Variants in KLHDC1 observed in about 807,000 individuals in gnomAD.
The protein encoded by KLHDC1 is kelch domain containing 1, also known as kelch domain-containing protein 1.
A neutral mutation model predicts 68.3 loss-of-function variants in KLHDC1; 53 were observed. The ratio of observed to expected loss-of-function variants is 0.78; its 90% CI spans 0.62 to 0.98. The LOEUF (loss-of-function observed/expected upper bound fraction) is 0.98, where lower values mean the gene tolerates loss of function less well. Ranked by LOEUF, KLHDC1 falls within the 50% of genes least tolerant of loss-of-function variation. The pLI, the probability that KLHDC1 is intolerant of heterozygous loss-of-function variation, is 0.00. For missense variants in KLHDC1, 470 were observed against 492.3 expected, an observed-to-expected ratio of 0.95 and a Z score of 0.43; for synonymous variants, 148 against 159.0, an observed-to-expected ratio of 0.93 and a Z score of 0.52.
intron 4 of KLHDC1, among the ~76,000 whole-genome samples, chr14:49,713,996 G>A (rs1463607527): frequency 5.5e-4 from 81 of 148,316 alleles, no homozygotes; most frequent in East Asian, 1.4e-3. Context: ...ACAGGTGCAC[G>A]CCACCAAACC....
Position 49,724,035 on chromosome 14 carries a change from A to G in KLHDC1, c.483+83A>G, listed in dbSNP as rs1888605554. 6.7e-6 allele frequency: 5 copies of G among 748,086 alleles called. No individual in the cohort carries two copies. In the Admixed American group the frequency reaches 9.9e-5, roughly 15 times the overall value. 46.3% of individuals were successfully genotyped at this position (748,086 alleles called of 1,614,324 possible). ...AGAAATAATGAGTCTAGTCTTTCTCATTTTTGGAGCTACCAATTTGTCGTA... is the reference window on the plus strand; with the variant it reads ...AGAAATAATGAGTCTAGTCTTTCTCGTTTTTGGAGCTACCAATTTGTCGTA... On this transcript the variant is annotated intron_variant, in intron 5 of 12. Transcript: ENST00000359332.
intron 12 of KLHDC1, among the ~76,000 whole-genome samples, chr14:49,746,973 G>A (rs1186590000): frequency 6.3e-5 from 9 of 143,534 alleles, no homozygotes; most frequent in South Asian, 2.2e-4. Context: ...TTTTTGAGAC[G>A]GAGTCTCATT....
chr14:49,748,961 C>T (rs565836437), intron 12 of KLHDC1, among the ~76,000 whole-genome samples: 2 of 151,806 alleles, frequency 1.3e-5, no homozygotes, highest in Non-Finnish European at 2.9e-5. Context: ...CCATCACACC[C>T]GGCTAATTTT....
chr14:49,709,719 C>T lies in KLHDC1; in HGVS notation c.178C>T (p.Leu60Phe), dbSNP rs748028176. 1 of 1,582,716 alleles carries T rather than the reference C, an allele frequency of 6.3e-7. No homozygotes were observed. The highest frequency in any genetic ancestry group is 1.4e-5 in the African/African-American group (1 of 73,000). Residue 60 changes from leucine (L) to phenylalanine (F), a missense_variant, in exon 3 of 13, where the codon CTC becomes TTC. Coordinates refer to ENST00000359332, the MANE Select transcript of KLHDC1 (RefSeq NM_172193.3). The stretch of plus-strand genomic sequence containing the variant: ...TTATTCTTGCTGCAGGAGAATGCAC[C>T]TCATGGAAGGAGAACTCCCAGCCTC... ...DIDSGLWRMH[L>F]MEGELPASMS...
intron 4 of KLHDC1, among the ~76,000 whole-genome samples, chr14:49,712,882 C>T (rs1277943501): frequency 6.6e-6 from 1 of 151,900 alleles, no homozygotes; most frequent in Non-Finnish European, 1.5e-5. Context: ...TCAGGTGATC[C>T]ACCCACCTTG....
At chr14:49,709,046 G>A (rs773476298) in intron 1 of KLHDC1, 113 bp from the exon 2 acceptor site, 41 of 546,788 alleles carry the variant, frequency 7.5e-5, no homozygotes, top group Non-Finnish European at 1.2e-4. Context: ...AGATCCTTGA[G>A]CCTTCTTTTG....
Position 49,716,987 on chromosome 14 carries a change from T to C in KLHDC1, c.404+6606T>C, listed in dbSNP as rs1043332709. Among the ~76,000 whole-genome samples the C allele has an allele frequency of 3.9e-5, 6 of 152,264 alleles. No individual in the cohort carries two copies. The East Asian group carries it at 9.6e-4, about 24-fold the overall frequency. On this transcript the variant is annotated intron_variant, in intron 4 of 12. Coordinates refer to ENST00000359332, the MANE Select transcript of KLHDC1 (RefSeq NM_172193.3). ...TGAATCATAAAATGTTTGTTCTTTT[T>C]GTCTGCCTTATTTCACTTAACATAA...
intron 12 of KLHDC1, among the ~76,000 whole-genome samples, chr14:49,744,653 A>T (rs1369258587): frequency 6.6e-6 from 1 of 152,050 alleles, no homozygotes; most frequent in Admixed American, 6.6e-5. Context: ...TATTACTCAT[A>T]ATTCCTAATA....
intron 1 of KLHDC1, among the ~76,000 whole-genome samples, chr14:49,702,544 A>G (rs1469427072): frequency 6.6e-6 from 1 of 152,010 alleles, no homozygotes; most frequent in Non-Finnish European, 1.5e-5. Flanking sequence ...CCAGAATATA[A>G]ACCACCTTTC....
At chr14:49,708,138 T>G (rs1232492993) in intron 1 of KLHDC1, among the ~76,000 whole-genome samples, 1 of 150,628 alleles carries the variant, frequency 6.6e-6, no homozygotes, top group Non-Finnish European at 1.5e-5. Context: ...TGGCACGATT[T>G]CAGCTCACTG....
At chr14:49,740,706 T>A (rs1199166285) in intron 11 of KLHDC1, among the ~76,000 whole-genome samples, 2 of 152,170 alleles carry the variant, frequency 1.3e-5, no homozygotes, top group Non-Finnish European at 2.9e-5. Context: ...GGTCTATTAG[T>A]TTGATTAGCA....
intron 4 of KLHDC1, among the ~76,000 whole-genome samples, chr14:49,711,238 G>T (rs1276629387): frequency 6.6e-6 from 1 of 152,048 alleles, no homozygotes; most frequent in East Asian, 1.9e-4. Context: ...GTCTCGCTCT[G>T]TCGCCTAGGC....
At chr14:49,726,533 G>T (rs1888675627) in intron 6 of KLHDC1, among the ~76,000 whole-genome samples, 1 of 152,024 alleles carries the variant, frequency 6.6e-6, no homozygotes. Context: ...ATTTAATAAA[G>T]GTCTATTTTT....
intron 8 of KLHDC1, among the ~76,000 whole-genome samples, chr14:49,729,895 A>G (rs1455753165): frequency 6.6e-6 from 1 of 152,212 alleles, no homozygotes; most frequent in African/African-American, 2.4e-5. Flanking sequence ...CATAATATGT[A>G]TTTAACAATA....
At position 49,735,350 on chromosome 14, in the gene KLHDC1, G is replaced by A. The variant is rs1028621269; in HGVS notation, c.896+689G>A. Among the ~76,000 whole-genome samples, 21 of 151,374 alleles carry A rather than the reference G, an allele frequency of 1.4e-4. No individual in the cohort carries two copies. In the East Asian group the frequency reaches 2.1e-3, roughly 15 times the overall value. ...ATTATAATTGGTAATTCTTTTTTAC[G>A]CTATGTATTTTAGAATTTTAAAAAT... On this transcript the variant is annotated intron_variant, in intron 10 of 12. Coordinates refer to ENST00000359332, the MANE Select transcript of KLHDC1 (RefSeq NM_172193.3).
intron 1 of KLHDC1, among the ~76,000 whole-genome samples, chr14:49,696,933 ACTTT>A (rs1887760531): frequency 6.8e-6 from 1 of 148,050 alleles, no homozygotes; most frequent in Non-Finnish European, 1.5e-5. Context: ...TAACTGGCCT[ACTTT>A]CTTTTTTTTT....
At chr14:49,722,915 T>C (rs567638281) in intron 4 of KLHDC1, among the ~76,000 whole-genome samples, 9 of 151,070 alleles carry the variant, frequency 6.0e-5, no homozygotes, top group South Asian at 2.1e-4. Context: ...GGTGAAACCC[T>C]GTCTCTACTA....
Position 49,695,075 on chromosome 14 carries a change from C to T in KLHDC1, c.96+1785C>T, listed in dbSNP as rs576159517. Among the ~76,000 whole-genome samples, 33 of 150,300 alleles carry T rather than the reference C, an allele frequency of 2.2e-4. No individual in the cohort carries two copies. In the East Asian group the frequency reaches 5.6e-3, roughly 26 times the overall value. ...ATGAAGTTTGCCACATTGAGCCTTC[C>T]TTTCACAAAATATTTCTCTGTAACA... On this transcript the variant is annotated intron_variant, in intron 1 of 12. Coordinates refer to ENST00000359332, the MANE Select transcript of KLHDC1 (RefSeq NM_172193.3).
chr14:49,701,893 G>T (rs541079982), intron 1 of KLHDC1, among the ~76,000 whole-genome samples: 4 of 152,108 alleles, frequency 2.6e-5, no homozygotes, highest in South Asian at 2.1e-4. Context: ...AATTAGCCGG[G>T]CGTGGTGGCT....
Sources: gnomAD v4.1 joint callset for allele counts (sites outside exome capture counted in the v4.1 genomes callset) on GRCh38, gnomAD v4.1.1 for gene constraint, MANE v1.5 for transcripts, NCBI Gene and HGNC (gene_info 2026-07-23, HGNC 2026-07-21) for gene names.